The following OCA2 variants were observed in gnomAD, a reference collection of about 807,000 sequenced individuals.
OCA2 encodes the protein OCA2 melanosomal transmembrane protein.
A neutral mutation model predicts 100.2 loss-of-function variants in OCA2; 77 were observed. The ratio of observed to expected loss-of-function variants is 0.77; its 90% CI spans 0.64 to 0.93. The LOEUF is 0.93. Ranked by LOEUF, OCA2 falls within the 40% of genes least tolerant of loss-of-function variation. The probability of loss-of-function intolerance (pLI) is 0.00; values close to 1 mark genes in which losing one functional copy is unlikely to be tolerated. For missense variants in OCA2, 1,062 were observed against 1,089.1 expected (o/e 0.98, Z 0.35); for synonymous variants, 432 against 439.2 (o/e 0.98, Z 0.21).
intron 2 of OCA2, among the ~76,000 whole-genome samples, chr15:28,050,569 A>G (rs1282610178): frequency 1.4e-5 from 1 of 69,166 alleles, no homozygotes; most frequent in Non-Finnish European, 2.0e-5. Context: ...TCAAAAAAGA[A>G]AAAAAAAAAA....
chr15:27,747,140 C>A, the OCA2 span, among the ~76,000 whole-genome samples: 1 of 152,186 alleles, frequency 6.6e-6, no homozygotes, highest in African/African-American at 2.4e-5. Flanking sequence ...CACCTCCAGC[C>A]CCCCACCACC....
At chr15:27,766,176 G>A (rs1052300462) in intron 23 of OCA2, among the ~76,000 whole-genome samples, 23 of 152,146 alleles carry the variant, frequency 1.5e-4, no homozygotes, top group East Asian at 1.2e-3. Flanking sequence ...AAAGTAAAAG[G>A]AAACAGATGA....
At chr15:27,820,682 G>C (rs1452938331) in intron 23 of OCA2, among the ~76,000 whole-genome samples, 1 of 152,178 alleles carries the variant, frequency 6.6e-6, no homozygotes, top group Non-Finnish European at 1.5e-5. Flanking sequence ...TCTAAATAAA[G>C]TGTGCACCTT....
intron 23 of OCA2, among the ~76,000 whole-genome samples, chr15:27,772,458 G>A (rs2031937360): frequency 6.6e-6 from 1 of 152,206 alleles, no homozygotes; most frequent in African/African-American, 2.4e-5. Context: ...TATCCAGTTA[G>A]GAAATCATTG....
intron 18 of OCA2, among the ~76,000 whole-genome samples, chr15:27,935,761 G>T (rs1484561118): frequency 6.6e-6 from 1 of 152,192 alleles, no homozygotes. Flanking sequence ...CAGTGTGATT[G>T]GATGAATATA....
intron 23 of OCA2, among the ~76,000 whole-genome samples, chr15:27,807,340 T>C (rs1166452177): frequency 6.6e-6 from 1 of 151,628 alleles, no homozygotes; most frequent in African/African-American, 2.4e-5. Flanking sequence ...GCTGGGGGAG[T>C]CTTTGCTGAC....
chr15:27,962,011 A>G (rs186928465), intron 15 of OCA2, among the ~76,000 whole-genome samples: 1 of 152,244 alleles, frequency 6.6e-6, no homozygotes, highest in Admixed American at 6.5e-5. Context: ...TAATTAATTA[A>G]AATAATAAAA....
chr15:27,988,999 G>T (rs923534982), intron 11 of OCA2, among the ~76,000 whole-genome samples: 4 of 152,194 alleles, frequency 2.6e-5, no homozygotes, highest in African/African-American at 9.7e-5. Flanking sequence ...GAGAGGAAGA[G>T]CCCTCCTGCA....
chr15:27,990,777 G>T, intron 9 of OCA2, 130 bp from the exon 10 acceptor site: 1 of 826,164 alleles, frequency 1.2e-6, no homozygotes, highest in Non-Finnish European at 2.1e-6. Flanking sequence ...ATAAGTCATG[G>T]GTCTTGATGT....
intron 21 of OCA2, among the ~76,000 whole-genome samples, chr15:27,853,990 T>C (rs896343763): frequency 2.6e-5 from 4 of 152,198 alleles, no homozygotes; most frequent in Non-Finnish European, 5.9e-5. Flanking sequence ...AGAGGTGCCT[T>C]AGGGCTTACT....
At chr15:28,072,293 G>C (rs1566867116) in intron 2 of OCA2, among the ~76,000 whole-genome samples, 1 of 141,322 alleles carries the variant, frequency 7.1e-6, no homozygotes, top group African/African-American at 2.7e-5. Context: ...CTGACTATTA[G>C]AATATAGTGG....
the OCA2 span, among the ~76,000 whole-genome samples, chr15:27,742,826 T>A: frequency 6.6e-6 from 1 of 152,286 alleles, no homozygotes; most frequent in East Asian, 1.9e-4. Context: ...CTGAGAAGTC[T>A]GGAAGCAGCA....
At chr15:28,003,850 A>ACCCG (rs1207519486) in intron 9 of OCA2, among the ~76,000 whole-genome samples, 5 of 152,038 alleles carry the variant, frequency 3.3e-5, no homozygotes, top group Non-Finnish European at 7.4e-5. Flanking sequence ...CACCCCACGA[A>ACCCG]CCCGCCCGCG....
chr15:27,964,443 G>A (rs1182034849), intron 15 of OCA2, among the ~76,000 whole-genome samples: 1 of 152,190 alleles, frequency 6.6e-6, no homozygotes, highest in Non-Finnish European at 1.5e-5. Context: ...TGGCAGGCTG[G>A]CCTGTCCTGG....
intron 23 of OCA2, among the ~76,000 whole-genome samples, chr15:27,810,625 C>T (rs1418227491): frequency 6.6e-6 from 1 of 152,144 alleles, no homozygotes; most frequent in Non-Finnish European, 1.5e-5. Context: ...AACTATGCAT[C>T]CGACAAAGGA....
At chr15:27,996,213 A>G (rs1421706984) in intron 9 of OCA2, among the ~76,000 whole-genome samples, 1 of 152,202 alleles carries the variant, frequency 6.6e-6, no homozygotes, top group East Asian at 1.9e-4. Context: ...ACCAAAATTT[A>G]TGGGACACAG....
intron 13 of OCA2, among the ~76,000 whole-genome samples, chr15:27,984,552 T>TTTTGTTTG (rs200230269): frequency 2.0e-5 from 3 of 151,460 alleles, no homozygotes; most frequent in Admixed American, 6.6e-5. Context: ...GTGAGCCATT[T>TTTTGTTTG]TTTGTTTGTT....
At chr15:27,931,497 G>C (rs1235426583) in intron 18 of OCA2, among the ~76,000 whole-genome samples, 2 of 151,954 alleles carry the variant, frequency 1.3e-5, no homozygotes, top group Non-Finnish European at 2.9e-5. Flanking sequence ...ACCACACCTG[G>C]CTAATTTTTT....
At chr15:27,850,533 A>G (rs2035709561) in intron 22 of OCA2, among the ~76,000 whole-genome samples, 2 of 151,940 alleles carry the variant, frequency 1.3e-5, no homozygotes, top group Admixed American at 6.6e-5. Flanking sequence ...CAAGTTCTAC[A>G]CTCTCGGAAG....
Sources: allele counts gnomAD v4.1 joint callset (sites outside exome capture counted in the v4.1 genomes callset), GRCh38; gene constraint gnomAD v4.1.1; transcripts MANE v1.5; gene names NCBI Gene and HGNC (gene_info 2026-07-23, HGNC 2026-07-21).